PAX5: variants seen among roughly 807,000 people sequenced by gnomAD.
The protein encoded by PAX5 is paired box 5, also known as paired box protein Pax-5.
In PAX5, 9 loss-of-function variants were observed where a neutral mutation model predicts 43.7. The observed-to-expected ratio is 0.21, with a 90% confidence interval of 0.12 to 0.36. The LOEUF is 0.36. Ranked by LOEUF, PAX5 falls within the 10% of genes least tolerant of loss-of-function variation. The pLI, the probability that PAX5 is intolerant of heterozygous loss-of-function variation, is 1.00. For synonymous variants in PAX5, 228 were observed against 214.3 expected (o/e 1.06, Z -0.56); for missense variants, 383 against 532.7 (o/e 0.72, Z 2.77).
At position 36,976,606 on chromosome 9, in the gene PAX5, G is replaced by A. The variant is rs561457934; in HGVS notation, c.605-9882C>T. ...TTTTCTAAATCCTGTCCTAAACTGG[G>A]GCTGCAGACTAAGAAAAATCAAGGT... On this transcript the variant is annotated intron_variant, in intron 5 of 9. Coordinates refer to ENST00000358127, the MANE Select transcript of PAX5 (RefSeq NM_016734.3). 2.0e-5 allele frequency among the ~76,000 whole-genome samples: 3 copies of A among 149,718 alleles called. No individual in the cohort carries two copies. In the South Asian group the frequency reaches 6.6e-4, roughly 33 times the overall value.
chr9:36,954,890 C>A (rs952609282), intron 6 of PAX5, among the ~76,000 whole-genome samples: 4 of 151,968 alleles, frequency 2.6e-5, no homozygotes, highest in Admixed American at 6.6e-5. Flanking sequence ...TTACCTTTTT[C>A]TTTCATATTT....
At chr9:37,018,991 T>C (rs567827008) in intron 2 of PAX5, among the ~76,000 whole-genome samples, 6 of 152,224 alleles carry the variant, frequency 3.9e-5, no homozygotes, top group Middle Eastern at 6.8e-3. Context: ...TCAGCAAAGA[T>C]GTCTCAGCAA....
intron 2 of PAX5, among the ~76,000 whole-genome samples, chr9:37,017,509 T>C (rs1294723256): frequency 6.6e-6 from 1 of 152,264 alleles, no homozygotes; most frequent in Admixed American, 6.5e-5. Context: ...GCATTTTTCA[T>C]TCATTCACTC....
chr9:36,842,619 CCTTT>C (rs1474393484), intron 9 of PAX5, among the ~76,000 whole-genome samples: 2 of 152,212 alleles, frequency 1.3e-5, no homozygotes, highest in African/African-American at 4.8e-5. Context: ...ATAAACTTGT[CCTTT>C]CTTCTGTCAT....
At chr9:36,967,744 G>A (rs1321370854) in intron 5 of PAX5, among the ~76,000 whole-genome samples, 1 of 152,182 alleles carries the variant, frequency 6.6e-6, no homozygotes, top group South Asian at 2.1e-4. Context: ...GTGAGGGGGA[G>A]AGACTTTTCA....
intron 6 of PAX5, among the ~76,000 whole-genome samples, chr9:36,939,866 G>A (rs1563989743): frequency 6.6e-6 from 1 of 152,002 alleles, no homozygotes; most frequent in Non-Finnish European, 1.5e-5. Context: ...GGCGTCGTGT[G>A]GGCGCAGCAG....
Position 36,840,457 on chromosome 9 carries a change from T to G in PAX5, c.*103A>C. The G allele has an allele frequency of 2.6e-6, 3 of 1,143,608 alleles. No homozygotes were observed. Among genetic ancestry groups the G allele is most frequent in the Non-Finnish European group, 3.8e-6 (3 of 785,008 alleles). 70.8% of individuals were successfully genotyped at this position (1,143,608 alleles called of 1,614,324 possible). On this transcript the variant is annotated 3_prime_UTR_variant, in exon 10 of 10. Transcript: ENST00000358127. ...GGAGCTTCAGGCAAGTGGGGGATGC[T>G]GGGGGACGGTCTCATGGGCTCTCTG...
At chr9:36,947,244 G>T (rs557337185) in intron 6 of PAX5, among the ~76,000 whole-genome samples, 1 of 152,266 alleles carries the variant, frequency 6.6e-6, no homozygotes, top group Admixed American at 6.5e-5. Flanking sequence ...AAAGTGACAA[G>T]CCCTGATGTT....
At chr9:36,906,895 C>T (rs1828871147) in intron 7 of PAX5, among the ~76,000 whole-genome samples, 1 of 129,814 alleles carries the variant, frequency 7.7e-6, no homozygotes, top group Admixed American at 7.2e-5. Flanking sequence ...GGTGTGCACA[C>T]ATACATACAC....
chr9:36,846,695 A>G (rs1019033186), intron 9 of PAX5, 148 bp downstream of exon 9: 66 of 562,848 alleles, frequency 1.2e-4, no homozygotes, highest in Admixed American at 2.1e-4. Flanking sequence ...GGCCCCCATG[A>G]AAACACCTGT....
At chr9:36,937,978 T>C (rs1253814601) in intron 6 of PAX5, among the ~76,000 whole-genome samples, 1 of 152,218 alleles carries the variant, frequency 6.6e-6, no homozygotes, top group Non-Finnish European at 1.5e-5. Context: ...GTCCTCTCTG[T>C]TCTTTACTGA....
At chr9:37,023,895 A>G (rs997392675) in intron 1 of PAX5, among the ~76,000 whole-genome samples, 4 of 152,208 alleles carry the variant, frequency 2.6e-5, no homozygotes, top group African/African-American at 7.2e-5. Flanking sequence ...GTCAGGCAGT[A>G]GACATATACA....
chr9:36,845,367 C>A (rs866147316), intron 9 of PAX5, among the ~76,000 whole-genome samples: 1 of 152,196 alleles, frequency 6.6e-6, no homozygotes, highest in Non-Finnish European at 1.5e-5. Flanking sequence ...CTAAGACAGA[C>A]GTCTGGGTCA....
At chr9:36,880,553 T>G (rs1826321771) in intron 8 of PAX5, among the ~76,000 whole-genome samples, 1 of 152,244 alleles carries the variant, frequency 6.6e-6, no homozygotes, top group South Asian at 2.1e-4. Flanking sequence ...ATTTATTTAT[T>G]ACATTATTAT....
intron 1 of PAX5, among the ~76,000 whole-genome samples, chr9:37,030,049 T>C (rs544131901): frequency 7.1e-4 from 108 of 152,294 alleles, no homozygotes; most frequent in African/African-American, 2.5e-3. Flanking sequence ...CCCGTGAGGC[T>C]TGCATAGAAT....
At chr9:36,960,548 G>A (rs1464079111) in intron 6 of PAX5, among the ~76,000 whole-genome samples, 2 of 152,198 alleles carry the variant, frequency 1.3e-5, no homozygotes, top group African/African-American at 4.8e-5. Context: ...ATAGGAGGTA[G>A]GCTTCAAGAA....
intron 5 of PAX5, among the ~76,000 whole-genome samples, chr9:36,969,531 G>T (rs1479465505): frequency 6.6e-6 from 1 of 152,240 alleles, no homozygotes; most frequent in African/African-American, 2.4e-5. Flanking sequence ...CACACAGGGG[G>T]TGTTAGGAGA....
intron 6 of PAX5, among the ~76,000 whole-genome samples, chr9:36,958,139 A>G (rs564860209): frequency 1.3e-5 from 2 of 152,296 alleles, no homozygotes; most frequent in South Asian, 4.1e-4. Flanking sequence ...CCCTGCAGAA[A>G]TGCACTGATT....
intron 1 of PAX5, among the ~76,000 whole-genome samples, chr9:37,022,977 T>C (rs572424923): frequency 6.6e-6 from 1 of 152,286 alleles, no homozygotes; most frequent in South Asian, 2.1e-4. Flanking sequence ...TGAGAAGGTT[T>C]ACAACTATGG....
Sources: allele counts gnomAD v4.1 joint callset (sites outside exome capture counted in the v4.1 genomes callset), GRCh38; gene constraint gnomAD v4.1.1; transcripts MANE v1.5; gene names NCBI Gene and HGNC (gene_info 2026-07-23, HGNC 2026-07-21).